PTPN4: variants seen among roughly 807,000 people sequenced by gnomAD.
The protein encoded by PTPN4 is tyrosine-protein phosphatase non-receptor type 4.
In PTPN4, 49 loss-of-function variants were observed where a neutral mutation model predicts 135.5. The observed-to-expected ratio is 0.36, with a 90% CI of 0.29 to 0.46. PTPN4 has a LOEUF of 0.46. PTPN4 is among the 20% of genes least tolerant of loss of function. The probability of loss-of-function intolerance (pLI) is 1.00; values close to 1 mark genes in which losing one functional copy is unlikely to be tolerated. For missense variants in PTPN4, 860 were observed against 1,101.0 expected (o/e 0.78, Z 3.10); for synonymous variants, 333 against 369.9 (o/e 0.90, Z 1.14).
In PTPN4 at chr2:119,883,174, T is replaced by A. The variant is rs532485294; in HGVS notation, c.587+551T>A. Among the ~76,000 whole-genome samples the A allele has an allele frequency of 6.6e-5, 10 of 152,232 alleles. No homozygotes were observed. In the East Asian group the frequency reaches 1.5e-3, roughly 24 times the overall value. ...TCTGCACCTGATCCCATGTAATGGG[T>A]TTCAGTCAACATTCGGTGAAAACTT... On this transcript the variant is annotated intron_variant, in intron 8 of 26. Transcript: ENST00000263708.
intron 26 of PTPN4, among the ~76,000 whole-genome samples, chr2:119,972,519 CTTTCCAATCTAGATGCCTCT>C (rs1257487029): frequency 1.3e-5 from 2 of 152,008 alleles, no homozygotes; most frequent in Admixed American, 1.3e-4. Context: ...TATGTTACTT[CTTTCCAATCTAGATGCCTCT>C]TTCCTTTTTC....
intron 5 of PTPN4, among the ~76,000 whole-genome samples, chr2:119,879,017 C>T (rs192007684): frequency 0.03 from 4,455 of 148,562 alleles, 106 homozygotes; most frequent in Non-Finnish European, 0.047. Flanking sequence ...GGCATGAACC[C>T]GGGAGGCAGA....
chr2:119,882,628 G>T lies in PTPN4; in HGVS notation c.587+5G>T. On this transcript the variant is annotated splice_donor_5th_base_variant and intron_variant, in intron 8 of 26. Transcript: ENST00000263708. The stretch of plus-strand genomic sequence containing the variant: ...AAAATTACATCAGCAACACATGTAA[G>T]AGTTTTTTAGTTTTTTATTTGATAA... The T allele has an allele frequency of 6.6e-7, 1 of 1,505,478 alleles. No homozygotes were observed. The highest frequency in any genetic ancestry group is 1.2e-5 in the South Asian group (1 of 80,290). The allele number at this position is 1,505,478 out of a possible 1,614,324, so 93.3% of individuals were successfully genotyped here.
intron 2 of PTPN4, among the ~76,000 whole-genome samples, chr2:119,819,328 A>C (rs1677033326): frequency 6.6e-6 from 1 of 152,178 alleles, no homozygotes. Flanking sequence ...TCCGGTTTTT[A>C]TAGATGCTTG....
chr2:119,852,015 T>G (rs1360180666), intron 2 of PTPN4, among the ~76,000 whole-genome samples: 1 of 152,226 alleles, frequency 6.6e-6, no homozygotes, highest in African/African-American at 2.4e-5. Flanking sequence ...TTTTGGTCTG[T>G]GAGGAATTTG....
intron 3 of PTPN4, among the ~76,000 whole-genome samples, chr2:119,874,221 G>T (rs760698445): frequency 6.6e-6 from 1 of 152,136 alleles, no homozygotes; most frequent in Non-Finnish European, 1.5e-5. Context: ...TTTATACATT[G>T]ATATTGGAGA....
Position 119,821,758 on chromosome 2 carries a change from T to A in PTPN4, c.138+11767T>A, listed in dbSNP as rs368738611. Among the ~76,000 whole-genome samples, 16 of 152,320 alleles carry A rather than the reference T, an allele frequency of 1.1e-4. No individual in the cohort carries two copies. The East Asian group carries it at 1.7e-3, about 17-fold the overall frequency. ...TCAAGAATATCTTGTGTGGGATGTG[T>A]GCTAGTTCTTTATATCCTTCGTTTT... On this transcript the variant is annotated intron_variant, in intron 2 of 26. Transcript: ENST00000263708.
In PTPN4 at chr2:119,876,896, C is replaced by CGT. The variant is rs1558751874; in HGVS notation, c.247-427_247-426insGT. ...CCTGAATGAGTATAAAGCCCAAGAG[C>CGT]ATGTGTGTGTGTGTGTGTGTGTGTG... On this transcript the variant is annotated intron_variant, in intron 3 of 26. Coordinates refer to ENST00000263708, the MANE Select transcript of PTPN4 (RefSeq NM_002830.4). Among the ~76,000 whole-genome samples, 109 of 96,534 alleles carry CGT rather than the reference C, an allele frequency of 1.1e-3. 1 individual carries two copies. The highest frequency in any genetic ancestry group is 1.7e-3 in the South Asian group (4 of 2,358). The allele number at this position is 96,534 out of a possible 152,430, so 63.3% of individuals were successfully genotyped here.
intron 1 of PTPN4, among the ~76,000 whole-genome samples, chr2:119,775,352 T>C (rs1166536266): frequency 6.6e-6 from 1 of 152,172 alleles, no homozygotes; most frequent in African/African-American, 2.4e-5. Flanking sequence ...TTTTTCTGGA[T>C]TGGTTTCATT....
intron 25 of PTPN4, among the ~76,000 whole-genome samples, chr2:119,966,352 A>G (rs1254905834): frequency 6.6e-6 from 1 of 152,082 alleles, no homozygotes; most frequent in Non-Finnish European, 1.5e-5. Flanking sequence ...TCTGCCTCCC[A>G]GGCTCAAGTG....
intron 12 of PTPN4, among the ~76,000 whole-genome samples, chr2:119,924,953 C>G (rs561414339): frequency 7.2e-5 from 11 of 152,206 alleles, no homozygotes; most frequent in Middle Eastern, 3.4e-3. Context: ...GAGAAAAAAA[C>G]AAGAAGAAGG....
At chr2:119,947,985 C>T (rs927873494) in intron 18 of PTPN4, among the ~76,000 whole-genome samples, 4 of 151,914 alleles carry the variant, frequency 2.6e-5, no homozygotes, top group Non-Finnish European at 4.4e-5. Context: ...ATAGACCCAG[C>T]GTGGATCCTA....
chr2:119,940,111 G>C (rs569939206), intron 15 of PTPN4, among the ~76,000 whole-genome samples: 2 of 152,276 alleles, frequency 1.3e-5, no homozygotes, highest in South Asian at 4.1e-4. Flanking sequence ...CAGGTTGCTG[G>C]GAGGCTTATT....
At chr2:119,824,655 A>G (rs1197863177) in intron 2 of PTPN4, among the ~76,000 whole-genome samples, 3 of 152,174 alleles carry the variant, frequency 2.0e-5, no homozygotes, top group African/African-American at 7.2e-5. Flanking sequence ...TTTTGGTGAC[A>G]TGACTCCTTT....
At chr2:119,971,089 G>A (rs1281727608) in intron 26 of PTPN4, among the ~76,000 whole-genome samples, 1 of 152,114 alleles carries the variant, frequency 6.6e-6, no homozygotes, top group Admixed American at 6.5e-5. Context: ...CTTGAGACTG[G>A]GTAATTTATA....
At chr2:119,830,625 C>T (rs1284558500) in intron 2 of PTPN4, among the ~76,000 whole-genome samples, 7 of 152,088 alleles carry the variant, frequency 4.6e-5, no homozygotes, top group Non-Finnish European at 8.8e-5. Flanking sequence ...CCCGTCACCA[C>T]GCCCCGCTAA....
intron 16 of PTPN4, 51 bp downstream of exon 16, chr2:119,945,291 T>TA: frequency 6.9e-7 from 1 of 1,450,406 alleles, no homozygotes; most frequent in East Asian, 2.5e-5. Flanking sequence ...TTTAAAATCC[T>TA]AAATGAAATT....
At chr2:119,854,024 A>G (rs1257411085) in intron 2 of PTPN4, among the ~76,000 whole-genome samples, 1 of 151,990 alleles carries the variant, frequency 6.6e-6, no homozygotes, top group Non-Finnish European at 1.5e-5. Flanking sequence ...AGTGCACCAG[A>G]AAACAGTCTG....
chr2:119,789,470 A>C (rs1203487086), intron 1 of PTPN4, among the ~76,000 whole-genome samples: 1 of 152,086 alleles, frequency 6.6e-6, no homozygotes, highest in African/African-American at 2.4e-5. Context: ...TGCCCGTGCT[A>C]TTGGTGTCAT....
Sources: allele counts gnomAD v4.1 joint callset (sites outside exome capture counted in the v4.1 genomes callset), GRCh38; gene constraint gnomAD v4.1.1; transcripts MANE v1.5; gene names NCBI Gene and HGNC (gene_info 2026-07-23, HGNC 2026-07-21).